KLHL26: variants seen among roughly 807,000 people sequenced by gnomAD.
KLHL26 encodes kelch-like protein 26.
KLHL26 carries 4 observed loss-of-function variants against 7.1 expected under a neutral mutation model. The observed-to-expected ratio is 0.56, with a 90% CI of 0.28 to 1.28. The LOEUF is 1.28. Among genes scored for constraint, KLHL26 ranks in the 50% most tolerant of loss-of-function variants. The probability of loss-of-function intolerance (pLI) is 0.11; values close to 1 mark genes in which losing one functional copy is unlikely to be tolerated. For missense variants in KLHL26, 896 were observed against 924.6 expected (o/e 0.97, Z 0.40); for synonymous variants, 465 against 414.1 (o/e 1.12, Z -1.49).
chr19:18,642,562 C>T (rs1976733192), intron 1 of KLHL26, among the ~76,000 whole-genome samples: 1 of 151,652 alleles, frequency 6.6e-6, no homozygotes, highest in East Asian at 1.9e-4. Context: ...TGGGGTTTCT[C>T]CATGTTGGCC....
chr19:18,643,338 G>A (rs558960241), intron 1 of KLHL26, among the ~76,000 whole-genome samples: 9 of 151,152 alleles, frequency 6.0e-5, no homozygotes, highest in African/African-American at 1.9e-4. Context: ...CCAGCTACTC[G>A]GGAGGCTGAG....
At chr19:18,651,062 C>T (rs1263683063) in intron 1 of KLHL26, among the ~76,000 whole-genome samples, 2 of 152,194 alleles carry the variant, frequency 1.3e-5, no homozygotes, top group African/African-American at 4.8e-5. Context: ...ACCCAAGATA[C>T]TGCCGTCAGT....
At chr19:18,645,230 G>A (rs1026836389) in intron 1 of KLHL26, among the ~76,000 whole-genome samples, 2 of 152,170 alleles carry the variant, frequency 1.3e-5, no homozygotes, top group Non-Finnish European at 2.9e-5. Context: ...CTCCTTGGAG[G>A]GAAAGGAGGC....
At chr19:18,661,875 C>T (rs1320929901) in intron 1 of KLHL26, among the ~76,000 whole-genome samples, 3 of 151,900 alleles carry the variant, frequency 2.0e-5, no homozygotes, top group African/African-American at 7.3e-5. Flanking sequence ...TTCCTGGGAA[C>T]CATTAGCCCA....
chr19:18,668,931 G>T lies in KLHL26; in HGVS notation c.1534G>T (p.Ala512Ser). Reference sequence around the variant, plus strand: ...GGTGGGTGCCGGCGGCCGCATCTATGCCCTCGGGGGCCGCATGGACCACGT... The same window carrying T: ...GGTGGGTGCCGGCGGCCGCATCTATTCCCTCGGGGGCCGCATGGACCACGT... ...AMVGAGGRIY[A>S]LGGRMDHVDR... is the part of the protein sequence containing the mutation. Residue 512 changes from alanine (A) to serine (S), a missense_variant, in exon 3 of 3, where the codon GCC becomes TCC. Transcript: ENST00000300976. 1 of 1,608,710 alleles carries T rather than the reference G, an allele frequency of 6.2e-7. No individual in the cohort carries two copies.
intron 1 of KLHL26, among the ~76,000 whole-genome samples, chr19:18,641,650 A>G (rs186232665): frequency 8.6e-6 from 1 of 116,040 alleles, no homozygotes; most frequent in East Asian, 2.7e-4. Flanking sequence ...TTTTTTTGAG[A>G]TGGAGGCTTG....
chr19:18,652,245 C>T (rs1263209932), intron 1 of KLHL26, among the ~76,000 whole-genome samples: 1 of 152,022 alleles, frequency 6.6e-6, no homozygotes, highest in East Asian at 1.9e-4. Context: ...CACTAGGACT[C>T]GGGCCAGGAG....
At position 18,668,385 on chromosome 19, in the gene KLHL26, G is replaced by A; in HGVS notation, c.988G>A (p.Val330Ile). Residue 330 changes from valine to isoleucine, a missense_variant, in exon 3 of 3, where the codon GTC becomes ATC. Transcript: ENST00000300976. Reference protein sequence around the residue: ...TDSDRSVSSKVYQLPEPGARH... With the variant: ...TDSDRSVSSKIYQLPEPGARH... Reference sequence around the variant, plus strand: ...CAGCGACCGCTCGGTCAGCAGCAAGGTCTACCAGCTGCCTGAGCCGGGAGC... The same window carrying A: ...CAGCGACCGCTCGGTCAGCAGCAAGATCTACCAGCTGCCTGAGCCGGGAGC... 1 of 1,608,178 alleles carries A rather than the reference G, an allele frequency of 6.2e-7. No individual in the cohort carries two copies. The highest frequency in any genetic ancestry group is 8.5e-7 in the Non-Finnish European group (1 of 1,179,274).
In KLHL26 at chr19:18,668,671, G is replaced by A; in HGVS notation, c.1274G>A (p.Gly425Asp). 1.9e-6 allele frequency: 3 copies of A among 1,571,836 alleles called. No individual in the cohort carries two copies. Among genetic ancestry groups the A allele is most frequent in the Non-Finnish European group, 1.7e-6 (2 of 1,163,066 alleles). Residue 425 changes from glycine to aspartate, a missense_variant, in exon 3 of 3, where the codon GGC becomes GAC. By Grantham distance (94) the Gly-to-Asp change is moderately conservative (BLOSUM62 -1). Transcript: ENST00000300976. ...GCCACGGGCGGCCGCAACCGAGCCG[G>A]CAGCCTGGCCTCCGTGGAGCGGTAC... ...VYATGGRNRA[G>D]SLASVERYCP... is the part of the protein sequence containing the mutation.
chr19:18,637,949 T>G (rs754861470), intron 1 of KLHL26, among the ~76,000 whole-genome samples: 2 of 152,150 alleles, frequency 1.3e-5, no homozygotes, highest in Non-Finnish European at 2.9e-5. Context: ...TGCTTGAACG[T>G]CCAGGTTTGC....
At position 18,671,122 on chromosome 19, in the gene KLHL26, G is replaced by A. The variant is rs1414540307; in HGVS notation, c.*1877G>A. 1.3e-5 allele frequency: 2 copies of A among 152,248 alleles called. No individual in the cohort carries two copies. The highest frequency in any genetic ancestry group is 2.9e-5 in the Non-Finnish European group (2 of 68,056). The allele number at this position is 152,248 out of a possible 1,614,324, so 9.4% of individuals were successfully genotyped here. A position where few individuals can be genotyped will look rare whatever the true frequency, so the allele number is the denominator to read the frequency against. On this transcript the variant is annotated 3_prime_UTR_variant, in exon 3 of 3. Transcript: ENST00000300976. ...CACTTATCAGTTGCAGGTTAGCAGAGAAAGCCTGATGTTCCCGGACGGCCT... is the reference window on the plus strand; with the variant it reads ...CACTTATCAGTTGCAGGTTAGCAGAAAAAGCCTGATGTTCCCGGACGGCCT...
At chr19:18,652,595 A>C (rs954764144) in intron 1 of KLHL26, among the ~76,000 whole-genome samples, 40 of 150,604 alleles carry the variant, frequency 2.7e-4, no homozygotes, top group African/African-American at 9.7e-4. Flanking sequence ...ATCTCAAAAA[A>C]AAAAAAAAAA....
In KLHL26 at chr19:18,648,686, T is replaced by C. The variant is rs956444077; in HGVS notation, c.83+11549T>C. 1.3e-5 allele frequency among the ~76,000 whole-genome samples: 2 copies of C among 152,190 alleles called. No individual in the cohort carries two copies. Among genetic ancestry groups the C allele is most frequent in the Non-Finnish European group, 2.9e-5 (2 of 68,020 alleles). On this transcript the variant is annotated intron_variant, in intron 1 of 2. Coordinates refer to ENST00000300976, the MANE Select transcript of KLHL26 (RefSeq NM_018316.3). The surrounding 1 kb of genome is among the most constrained non-coding windows in gnomAD (Gnocchi z 4.9). ...TGGAGCTCCCACAGTCCTTGAGGGCTTCAGGTCTTCCCACCAGCAGGTCCC... is the reference window on the plus strand; with the variant it reads ...TGGAGCTCCCACAGTCCTTGAGGGCCTCAGGTCTTCCCACCAGCAGGTCCC...
chr19:18,667,437 C>T, intron 2 of KLHL26: 1 of 636,502 alleles, frequency 1.6e-6, no homozygotes, highest in Non-Finnish European at 2.7e-6. Context: ...ATCTCCTGAT[C>T]TCATGATCCA....
At chr19:18,657,885 G>A (rs1051509732) in intron 1 of KLHL26, among the ~76,000 whole-genome samples, 4 of 152,190 alleles carry the variant, frequency 2.6e-5, no homozygotes, top group Non-Finnish European at 5.9e-5. Context: ...TGACGTGAGC[G>A]TGGGGGCCGG....
At chr19:18,653,654 T>C in intron 1 of KLHL26, among the ~76,000 whole-genome samples, 1 of 15,462 alleles carries the variant, frequency 6.5e-5, no homozygotes. Flanking sequence ...CCACCCACCC[T>C]TCCATCAGTC....
At position 18,669,743 on chromosome 19, in the gene KLHL26, C is replaced by T. The variant is rs2052506778; in HGVS notation, c.*498C>T. ...ACCCGAAACGTCCGTAACACACGGACCTCCAGGAGCAGTGAGAGGTGGCTT... is the reference window on the plus strand; with the variant it reads ...ACCCGAAACGTCCGTAACACACGGATCTCCAGGAGCAGTGAGAGGTGGCTT... On this transcript the variant is annotated 3_prime_UTR_variant, in exon 3 of 3. Coordinates refer to ENST00000300976, the MANE Select transcript of KLHL26 (RefSeq NM_018316.3). 1 of 163,766 alleles carries T rather than the reference C, an allele frequency of 6.1e-6. No individual in the cohort carries two copies. The highest frequency in any genetic ancestry group is 1.3e-5 in the Non-Finnish European group (1 of 76,286). The allele number at this position is 163,766 out of a possible 1,614,324, so 10.1% of individuals were successfully genotyped here.
Position 18,649,045 on chromosome 19 carries a change from G to A in KLHL26, c.83+11908G>A, listed in dbSNP as rs1195992378. 2.0e-5 allele frequency among the ~76,000 whole-genome samples: 3 copies of A among 152,170 alleles called. No individual in the cohort carries two copies. Among genetic ancestry groups the A allele is most frequent in the Non-Finnish European group, 4.4e-5 (3 of 68,040 alleles). The stretch of plus-strand genomic sequence containing the variant: ...GCCCCTGAGCTTCCGCAGCTCTGAC[G>A]GCTCTGCTGGGCTCTGAAGCACGCT... On this transcript the variant is annotated intron_variant, in intron 1 of 2. Coordinates refer to ENST00000300976, the MANE Select transcript of KLHL26 (RefSeq NM_018316.3). The surrounding 1 kb of genome is among the most constrained non-coding windows in gnomAD (Gnocchi z 4.0).
chr19:18,663,510 CCTGGCCTTTGCTTA>C (rs1568461895), intron 1 of KLHL26, among the ~76,000 whole-genome samples: 1 of 152,160 alleles, frequency 6.6e-6, no homozygotes, highest in Non-Finnish European at 1.5e-5. Flanking sequence ...TGCCCGCATT[CCTGGCCTTTGCTTA>C]CAGGCAGGCG....
Sources: gnomAD v4.1 joint callset for allele counts (sites outside exome capture counted in the v4.1 genomes callset) on GRCh38, gnomAD v4.1.1 for gene constraint, Gnocchi (gnomAD v3.1) non-coding constraint, MANE v1.5 for transcripts, NCBI Gene and HGNC (gene_info 2026-07-23, HGNC 2026-07-21) for gene names.